N4BP2L2: variants seen among roughly 807,000 people sequenced by gnomAD.
N4BP2L2 encodes NEDD4 binding protein 2 like 2, also known as NEDD4-binding protein 2-like 2.
In N4BP2L2, 50 loss-of-function variants were observed where a neutral mutation model predicts 56.2. That is an observed-to-expected ratio of 0.89 (90% CI 0.71 to 1.13). The LOEUF is 1.13. Ranked by LOEUF, N4BP2L2 falls within the 50% of genes most tolerant of loss-of-function variation. N4BP2L2 has a pLI of 0.00. For missense variants in N4BP2L2, 689 were observed against 693.8 expected, an observed-to-expected ratio of 0.99 and a Z score of 0.08; for synonymous variants, 203 against 223.6, an observed-to-expected ratio of 0.91 and a Z score of 0.82.
chr13:32,500,070 G>T (rs1420780492), intron 6 of N4BP2L2, among the ~76,000 whole-genome samples: 1 of 152,140 alleles, frequency 6.6e-6, no homozygotes, highest in Non-Finnish European at 1.5e-5. Context: ...TTTTAGTTGG[G>T]TTCTACTGTG....
chr13:32,535,301 C>T (rs1035685286), intron 2 of N4BP2L2, among the ~76,000 whole-genome samples: 5 of 152,214 alleles, frequency 3.3e-5, no homozygotes, highest in African/African-American at 1.2e-4. Flanking sequence ...TTTCCTTGAA[C>T]AGCTGACTCA....
At chr13:32,462,861 TAAAAAAAAAAAAAAAA>T (rs569068082) in intron 6 of N4BP2L2, among the ~76,000 whole-genome samples, 25 of 51,114 alleles carry the variant, frequency 4.9e-4, no homozygotes, top group South Asian at 1.3e-3. Flanking sequence ...CTGTCTTTAC[TAAAAAAAAAAAAAAAA>T]AAAAAAAAAA....
intron 6 of N4BP2L2, among the ~76,000 whole-genome samples, chr13:32,455,561 A>G (rs1487201820): frequency 6.6e-6 from 1 of 152,182 alleles, no homozygotes; most frequent in Non-Finnish European, 1.5e-5. Context: ...CAGGTCCCTC[A>G]GCTGTCCCAA....
At chr13:32,503,050 G>A (rs1464342946) in intron 6 of N4BP2L2, among the ~76,000 whole-genome samples, 2 of 151,294 alleles carry the variant, frequency 1.3e-5, no homozygotes, top group Non-Finnish European at 2.9e-5. Flanking sequence ...GTAGGCACCT[G>A]TAATCCCAGC....
chr13:32,494,215 G>A (rs955984400), intron 6 of N4BP2L2, among the ~76,000 whole-genome samples: 3 of 151,998 alleles, frequency 2.0e-5, no homozygotes, highest in African/African-American at 4.8e-5. Flanking sequence ...CCTGGGAGGC[G>A]GAGGTTGCAG....
At chr13:32,508,410 T>A (rs141120071), downstream of N4BP2L2, 1 of 152,124 alleles carries the variant, frequency 6.6e-6, no homozygotes, top group East Asian at 1.9e-4. Flanking sequence ...TAATTGACAA[T>A]GTATAAAATT....
chr13:32,527,352 G>C (rs530332777), intron 3 of N4BP2L2, 56 bp downstream of exon 3: 24 of 1,579,232 alleles, frequency 1.5e-5, no homozygotes, highest in Non-Finnish European at 1.9e-5. Context: ...ATAAAATCTA[G>C]GTCTTTTGAC....
At chr13:32,498,805 T>C (rs1276136047) in intron 6 of N4BP2L2, among the ~76,000 whole-genome samples, 1 of 150,004 alleles carries the variant, frequency 6.7e-6, no homozygotes, top group African/African-American at 2.4e-5. Flanking sequence ...GAGTTCAAGA[T>C]CAGCCTGGGC....
At chr13:32,462,280 C>G (rs947749901) in intron 6 of N4BP2L2, among the ~76,000 whole-genome samples, 1 of 152,054 alleles carries the variant, frequency 6.6e-6, no homozygotes, top group African/African-American at 2.4e-5. Flanking sequence ...ATAATGAAAT[C>G]CTGTCATTTC....
intron 6 of N4BP2L2, chr13:32,480,695 ACAT>A (rs2084463485): frequency 2.8e-6 from 3 of 1,056,050 alleles, no homozygotes; most frequent in South Asian, 1.4e-5. Context: ...GCTTTCATAA[ACAT>A]CATCTTGTTC....
At chr13:32,510,336 A>G (rs546636909) in exon 6 of N4BP2L2, 3 of 152,192 alleles carry the variant, frequency 2.0e-5, no homozygotes, top group African/African-American at 7.2e-5. Flanking sequence ...TTCAAATGCT[A>G]ATTAAAATAA....
At chr13:32,433,892 C>T (rs1374727568) in intron 9 of N4BP2L2, among the ~76,000 whole-genome samples, 6 of 141,782 alleles carry the variant, frequency 4.2e-5, no homozygotes, top group African/African-American at 1.6e-4. Flanking sequence ...GATTGCACCA[C>T]TGCACTCCAG....
In N4BP2L2 at chr13:32,443,621, C is replaced by T. The variant is rs201067552; in HGVS notation, c.871G>A (p.Ala291Thr). 205 of 1,611,822 alleles carry T rather than the reference C, an allele frequency of 1.3e-4. No individual in the cohort carries two copies. In the African/African-American group the frequency reaches 2.6e-3, roughly 20 times the overall value. The change falls in exon 7 of 10, where the codon GCA (alanine) becomes ACA (threonine). Residue 291 changes from alanine to threonine, a missense_variant. Transcript: ENST00000357505. ...GCAGAAAGGTCCTGGGTGTCTAATG[C>T]TATGGTATGCCTATTTCTAATATGC...
At chr13:32,463,867 C>A (rs1276845326) in intron 6 of N4BP2L2, among the ~76,000 whole-genome samples, 1 of 129,940 alleles carries the variant, frequency 7.7e-6, no homozygotes, top group Non-Finnish European at 1.6e-5. Context: ...CCCAGACAAA[C>A]AAAAACCAAG....
At chr13:32,475,568 A>G (rs1442663609) in intron 6 of N4BP2L2, among the ~76,000 whole-genome samples, 1 of 152,154 alleles carries the variant, frequency 6.6e-6, no homozygotes, top group African/African-American at 2.4e-5. Context: ...TAATCTTATT[A>G]TGCAAATGGA....
chr13:32,482,946 G>A (rs755425932), intron 6 of N4BP2L2, among the ~76,000 whole-genome samples: 42 of 152,242 alleles, frequency 2.8e-4, no homozygotes, highest in Middle Eastern at 3.4e-3. Flanking sequence ...TTCAAACTAA[G>A]ACATACTTAT....
chr13:32,480,031 C>T (rs2084269437), intron 6 of N4BP2L2, among the ~76,000 whole-genome samples: 2 of 151,622 alleles, frequency 1.3e-5, no homozygotes, highest in Non-Finnish European at 2.9e-5. Context: ...GTAGCAAATC[C>T]AAAATAGGAT....
Position 32,493,047 on chromosome 13 carries a change from C to T in N4BP2L2, c.365+24810G>A, listed in dbSNP as rs555800214. Among the ~76,000 whole-genome samples the T allele has an allele frequency of 3.8e-4, 58 of 151,650 alleles. 1 individual carries two copies. Among genetic ancestry groups the T allele is most frequent in the African/African-American group, 1.3e-3 (54 of 41,302 alleles). The stretch of plus-strand genomic sequence containing the variant: ...AAGTGATTCTCCTGCCTCACCCTCC[C>T]GAGTAGCTGGGATTACAGGTGCCTG... On this transcript the variant is annotated intron_variant, in intron 6 of 9. Transcript: ENST00000357505.
At chr13:32,469,595 G>C (rs1283729033) in intron 6 of N4BP2L2, among the ~76,000 whole-genome samples, 1 of 152,204 alleles carries the variant, frequency 6.6e-6, no homozygotes, top group Non-Finnish European at 1.5e-5. Flanking sequence ...CCACTGAGTT[G>C]TGGGAGTTAG....
Sources: allele counts gnomAD v4.1 joint callset (sites outside exome capture counted in the v4.1 genomes callset), GRCh38; gene constraint gnomAD v4.1.1; transcripts MANE v1.5; gene names NCBI Gene and HGNC (gene_info 2026-07-23, HGNC 2026-07-21).